Variants in MPP7 observed in about 807,000 individuals in gnomAD.
MPP7 encodes MAGUK p55 subfamily member 7.
Under a neutral mutation model 76.5 loss-of-function variants are expected in MPP7, and 60 were observed. That is an observed-to-expected ratio of 0.78 (90% CI 0.64 to 0.97). MPP7 has a LOEUF of 0.97. Among genes scored for constraint, MPP7 ranks in the 50% least tolerant of loss-of-function variants. The probability of loss-of-function intolerance (pLI) is 0.00; values close to 1 mark genes in which losing one functional copy is unlikely to be tolerated. For missense variants in MPP7, 641 were observed against 694.0 expected, an observed-to-expected ratio of 0.92 and a Z score of 0.86; for synonymous variants, 237 against 244.5, an observed-to-expected ratio of 0.97 and a Z score of 0.29.
At chr10:28,059,523 T>C (rs1223899063) in intron 14 of MPP7, 127 bp downstream of exon 14, 4 of 591,568 alleles carry the variant, frequency 6.8e-6, no homozygotes, top group African/African-American at 1.9e-5. Context: ...TACCTTTTCA[T>C]CTGTTTCAAA....
intron 3 of MPP7, among the ~76,000 whole-genome samples, chr10:28,195,778 T>G (rs1837561500): frequency 6.6e-6 from 1 of 152,196 alleles, no homozygotes; most frequent in Non-Finnish European, 1.5e-5. Context: ...GTGAAGGATT[T>G]ATTTTTGAGG....
At chr10:28,222,923 T>C (rs2134073013) in intron 2 of MPP7, among the ~76,000 whole-genome samples, 1 of 148,350 alleles carries the variant, frequency 6.7e-6, no homozygotes, top group African/African-American at 2.5e-5. Context: ...ACTGGGGATC[T>C]AGGCTATAAA....
chr10:28,263,506 C>T (rs777223089), intron 1 of MPP7, among the ~76,000 whole-genome samples: 10 of 152,160 alleles, frequency 6.6e-5, no homozygotes, highest in Admixed American at 1.3e-4. Flanking sequence ...ACATTTTTCC[C>T]GTCAATGTAG....
At chr10:28,199,267 C>T (rs1837692320) in intron 3 of MPP7, among the ~76,000 whole-genome samples, 1 of 152,132 alleles carries the variant, frequency 6.6e-6, no homozygotes, top group Admixed American at 6.5e-5. Context: ...TGGATGGGGA[C>T]ACAGCTAAAC....
At chr10:28,105,062 G>A (rs1854004095) in intron 11 of MPP7, among the ~76,000 whole-genome samples, 2 of 147,186 alleles carry the variant, frequency 1.4e-5, no homozygotes, top group South Asian at 2.2e-4. Flanking sequence ...GCTGAGGCAG[G>A]AGAATCGCTT....
intron 12 of MPP7, among the ~76,000 whole-genome samples, chr10:28,075,697 A>C (rs911889746): frequency 6.6e-6 from 1 of 152,114 alleles, no homozygotes; most frequent in African/African-American, 2.4e-5. Context: ...CTTGTTGTTT[A>C]AGATTCAGCT....
chr10:28,110,921 CA>C (rs1203596615), intron 11 of MPP7, among the ~76,000 whole-genome samples: 1 of 151,784 alleles, frequency 6.6e-6, no homozygotes, highest in African/African-American at 2.4e-5. Flanking sequence ...CTGCATAAAG[CA>C]AAAAAATGCA....
intron 3 of MPP7, among the ~76,000 whole-genome samples, chr10:28,181,906 T>C (rs78675100): frequency 0.01 from 1,591 of 152,302 alleles, 28 homozygotes; most frequent in African/African-American, 0.036. Flanking sequence ...AGGAGCTACA[T>C]AAACCTCCGA....
intron 4 of MPP7, among the ~76,000 whole-genome samples, chr10:28,147,917 C>A (rs890826185): frequency 1.3e-5 from 2 of 152,154 alleles, no homozygotes; most frequent in African/African-American, 4.8e-5. Flanking sequence ...GACACTGTAA[C>A]CTCCCCCAAC....
intron 1 of MPP7, among the ~76,000 whole-genome samples, chr10:28,293,515 G>A (rs1344136293): frequency 1.3e-5 from 2 of 152,218 alleles, no homozygotes; most frequent in Non-Finnish European, 2.9e-5. Flanking sequence ...ATATGCCAGA[G>A]AGAGGGTCCC....
chr10:28,158,656 T>C (rs541860834), intron 3 of MPP7, among the ~76,000 whole-genome samples: 1 of 152,294 alleles, frequency 6.6e-6, no homozygotes, highest in African/African-American at 2.4e-5. Context: ...CGACAGTTGC[T>C]TGGCCTACAA....
chr10:28,178,816 T>C (rs189380551), intron 3 of MPP7, among the ~76,000 whole-genome samples: 9 of 152,286 alleles, frequency 5.9e-5, no homozygotes, highest in Admixed American at 5.9e-4. Context: ...AGTGTATCCA[T>C]GGAATGAGAC....
At chr10:28,319,176 A>G (rs1212814846) in intron 2 of MPP7, among the ~76,000 whole-genome samples, 1 of 152,132 alleles carries the variant, frequency 6.6e-6, no homozygotes, top group East Asian at 1.9e-4. Context: ...AGCAGGAGGA[A>G]GAGGGTGAAG....
chr10:28,308,211 C>T (rs1352332894), intron 2 of MPP7, among the ~76,000 whole-genome samples: 1 of 152,218 alleles, frequency 6.6e-6, no homozygotes, highest in Non-Finnish European at 1.5e-5. Flanking sequence ...AGACATTCAT[C>T]CATACTTTAC....
chr10:28,265,917 C>G (rs1840135926), intron 1 of MPP7, among the ~76,000 whole-genome samples: 1 of 152,112 alleles, frequency 6.6e-6, no homozygotes. Flanking sequence ...TACTTACATG[C>G]TAAGGGATTT....
chr10:28,122,412 C>A (rs1834870604), intron 8 of MPP7, among the ~76,000 whole-genome samples: 1 of 152,148 alleles, frequency 6.6e-6, no homozygotes, highest in Non-Finnish European at 1.5e-5. Flanking sequence ...TACACATTTA[C>A]CAAATTATTG....
chr10:28,121,300 G>C (rs1834830808), intron 8 of MPP7, among the ~76,000 whole-genome samples: 1 of 149,874 alleles, frequency 6.7e-6, no homozygotes, highest in African/African-American at 2.5e-5. Context: ...AATGTACAAG[G>C]TTCATACAGT....
intron 2 of MPP7, among the ~76,000 whole-genome samples, chr10:28,211,188 C>T (rs1401313551): frequency 2.0e-5 from 3 of 151,972 alleles, no homozygotes; most frequent in African/African-American, 7.3e-5. Context: ...AACCTTGAAC[C>T]CCTGGGCTCA....
intron 1 of MPP7, among the ~76,000 whole-genome samples, chr10:28,274,181 C>T (rs140441510): frequency 0.014 from 2,008 of 148,462 alleles, 43 homozygotes; most frequent in African/African-American, 0.048. Context: ...CGGCTCACTG[C>T]AAGCTCTGCC....
Sources: gnomAD v4.1 joint callset for allele counts (sites outside exome capture counted in the v4.1 genomes callset) on GRCh38, gnomAD v4.1.1 for gene constraint, MANE v1.5 for transcripts, NCBI Gene and HGNC (gene_info 2026-07-23, HGNC 2026-07-21) for gene names.